The following KLRG1 variants were observed in gnomAD, a reference collection of about 807,000 sequenced individuals.
The protein encoded by KLRG1 is killer cell lectin like receptor G1, also known as killer cell lectin-like receptor subfamily G member 1.
KLRG1 carries 16 observed loss-of-function variants against 21.8 expected under a neutral mutation model. The observed-to-expected ratio is 0.73, with a 90% CI of 0.50 to 1.11. The LOEUF (loss-of-function observed/expected upper bound fraction) is 1.11. Among genes scored for constraint, KLRG1 ranks in the 50% most tolerant of loss-of-function variants. The pLI, the probability that KLRG1 is intolerant of heterozygous loss-of-function variation, is 0.00. For synonymous variants in KLRG1, 69 were observed against 75.9 expected (o/e 0.91, Z 0.47); for missense variants, 173 against 218.3 (o/e 0.79, Z 1.31).
the KLRG1 span, chr12:9,067,954 G>A: frequency 2.3e-5 from 25 of 1,100,166 alleles, no homozygotes; most frequent in African/African-American, 3.7e-4. Context: ...TCAGTACAGT[G>A]GGAAACCAAA....
chr12:9,118,435 C>T, the KLRG1 span, among the ~76,000 whole-genome samples: 2 of 152,188 alleles, frequency 1.3e-5, no homozygotes, highest in Non-Finnish European at 2.9e-5. Flanking sequence ...TGTGGACATG[C>T]TGACTAGTGA....
the KLRG1 span, chr12:9,106,563 C>A: frequency 6.3e-7 from 1 of 1,593,626 alleles, no homozygotes; most frequent in Non-Finnish European, 8.6e-7. Flanking sequence ...AGCTGGAAGA[C>A]CTTGGTTTTT....
chr12:9,206,877 A>AC, the KLRG1 span, among the ~76,000 whole-genome samples: 1 of 152,132 alleles, frequency 6.6e-6, no homozygotes, highest in Non-Finnish European at 1.5e-5. Context: ...AATGTTTCTG[A>AC]CCCAATACAC....
chr12:9,027,977 A>T, the KLRG1 span: 1 of 1,013,648 alleles, frequency 9.9e-7, no homozygotes. Flanking sequence ...AGTTGTGGTC[A>T]TTCACAGTAT....
At chr12:9,164,312 G>A in the KLRG1 span, 8 of 1,555,276 alleles carry the variant, frequency 5.1e-6, no homozygotes, top group African/African-American at 2.7e-5. Context: ...GGAACGACAC[G>A]AACACATAGA....
At chr12:9,026,306 T>G in the KLRG1 span, among the ~76,000 whole-genome samples, 1 of 152,194 alleles carries the variant, frequency 6.6e-6, no homozygotes, top group African/African-American at 2.4e-5. Context: ...CAGTGAACAT[T>G]TTTGTACATG....
Position 9,010,123 on chromosome 12 carries a change from C to T in KLRG1, c.*586C>T. ...GTCGCTTGAGCCCAGGAGTTTGAGG[C>T]TGCAGTGAGCTATGATTGTGCCACT... On this transcript the variant is annotated 3_prime_UTR_variant, in exon 5 of 5. Coordinates refer to ENST00000356986, the MANE Select transcript of KLRG1 (RefSeq NM_005810.4). The T allele has an allele frequency of 1.1e-6, 1 of 888,528 alleles. No homozygotes were observed. Among genetic ancestry groups the T allele is most frequent in the Non-Finnish European group, 1.8e-6 (1 of 567,622 alleles). 55.0% of individuals were successfully genotyped at this position (888,528 alleles called of 1,614,324 possible).
At chr12:9,080,803 AT>A in the KLRG1 span, among the ~76,000 whole-genome samples, 1 of 152,190 alleles carries the variant, frequency 6.6e-6, no homozygotes, top group Admixed American at 6.5e-5. Flanking sequence ...TGAAATGAAA[AT>A]GAGAGAAGTA....
the KLRG1 span, among the ~76,000 whole-genome samples, chr12:9,138,813 G>C: frequency 6.6e-6 from 1 of 151,908 alleles, no homozygotes; most frequent in Admixed American, 6.6e-5. Flanking sequence ...ATTTCTAAAA[G>C]AGCAGTTATA....
chr12:9,093,425 C>A, the KLRG1 span: 89 of 1,353,134 alleles, frequency 6.6e-5, no homozygotes, highest in Middle Eastern at 3.2e-3. Context: ...TAGTCAGGGA[C>A]CTCTATTGTT....
In KLRG1 at chr12:8,998,688, C is replaced by CA. The variant is rs201443520; in HGVS notation, c.357+3417dup. Among the ~76,000 whole-genome samples the CA allele has an allele frequency of 6.1e-3, 789 of 129,448 alleles. 6 individuals are homozygous for CA. Among genetic ancestry groups the CA allele is most frequent in the South Asian group, 0.01 (41 of 4,032 alleles). 84.9% of individuals were successfully genotyped at this position (129,448 alleles called of 152,430 possible). On this transcript the variant is annotated intron_variant, in intron 3 of 4. Transcript: ENST00000356986. ...TGGGCAACAGAGCGAGACTCTGTCT[C>CA]AAAAAAAAAAAAAAAAATCCACATC...
rs759702483 is a variant in KLRG1, at chr12:8,974,329, G to A, written c.-155-17877G>A. Reference sequence around the variant, plus strand: ...ACTACAAGCGTCCACCACCACACCCGGCTAATTTTTTGTATTTTTAGTAGA... The same window carrying A: ...ACTACAAGCGTCCACCACCACACCCAGCTAATTTTTTGTATTTTTAGTAGA... On this transcript the variant is annotated intron_variant, in intron 1 of 4. Transcript: ENST00000539240. Among the ~76,000 whole-genome samples, 5 of 151,976 alleles carry A rather than the reference G, an allele frequency of 3.3e-5. No homozygotes were observed. The South Asian group carries it at 6.2e-4, about 19-fold the overall frequency.
chr12:8,992,047 G>C, intron 1 of KLRG1, 159 bp from the exon 2 acceptor site: 1 of 581,844 alleles, frequency 1.7e-6, no homozygotes, highest in East Asian at 2.9e-5. Flanking sequence ...TTAGACTTTA[G>C]AGCAAGTTCC....
the KLRG1 span, among the ~76,000 whole-genome samples, chr12:9,100,016 T>A: frequency 6.6e-6 from 1 of 152,250 alleles, no homozygotes; most frequent in African/African-American, 2.4e-5. Context: ...GCTATGGTGC[T>A]TCTGTGTTGC....
At chr12:8,976,552 TG>T (rs1195162934) in intron 1 of KLRG1, among the ~76,000 whole-genome samples, 2 of 152,210 alleles carry the variant, frequency 1.3e-5, no homozygotes, top group Non-Finnish European at 2.9e-5. Flanking sequence ...TTACTGAAAG[TG>T]GGGGTAGTGA....
the KLRG1 span, among the ~76,000 whole-genome samples, chr12:9,130,603 G>T: frequency 1.3e-5 from 2 of 151,916 alleles, no homozygotes; most frequent in Non-Finnish European, 2.9e-5. Context: ...ATTCTTTAGA[G>T]AAATATCTAT....
At chr12:9,046,364 CA>C in the KLRG1 span, among the ~76,000 whole-genome samples, 2 of 152,090 alleles carry the variant, frequency 1.3e-5, no homozygotes, top group African/African-American at 4.8e-5. Context: ...GAGAATTTTC[CA>C]AAATTACCAA....
At chr12:9,138,933 A>C in the KLRG1 span, among the ~76,000 whole-genome samples, 27 of 147,902 alleles carry the variant, frequency 1.8e-4, no homozygotes, top group Non-Finnish European at 1.5e-5. Context: ...TGTTTTATTT[A>C]TTTCTTCTCT....
At chr12:9,178,803 A>G in the KLRG1 span, among the ~76,000 whole-genome samples, 1 of 152,178 alleles carries the variant, frequency 6.6e-6, no homozygotes, top group Admixed American at 6.5e-5. Context: ...AGGTCTTGGG[A>G]CACACCCCTG....
Sources: allele counts gnomAD v4.1 joint callset (sites outside exome capture counted in the v4.1 genomes callset), GRCh38; gene constraint gnomAD v4.1.1; transcripts MANE v1.5; gene names NCBI Gene and HGNC (gene_info 2026-07-23, HGNC 2026-07-21).